The following FGF12 variants were observed in gnomAD, a reference collection of about 807,000 sequenced individuals.
FGF12 encodes the protein fibroblast growth factor 12B.
A neutral mutation model predicts 23.6 loss-of-function variants in FGF12; 14 were observed. The ratio of observed to expected loss-of-function variants is 0.59; its 90% confidence interval spans 0.39 to 0.93. The LOEUF is 0.93. Among genes scored for constraint, FGF12 ranks in the 40% least tolerant of loss-of-function variants. The pLI, the probability that FGF12 is intolerant of heterozygous loss-of-function variation, is 0.00. For missense variants in FGF12, 175 were observed against 217.8 expected, an observed-to-expected ratio of 0.80 and a Z score of 1.24; for synonymous variants, 62 against 77.3, an observed-to-expected ratio of 0.80 and a Z score of 1.04.
chr3:192,715,439 T>C (rs1718837632), intron 2 of FGF12, among the ~76,000 whole-genome samples: 1 of 152,232 alleles, frequency 6.6e-6, no homozygotes, highest in African/African-American at 2.4e-5. Flanking sequence ...TGTATATCAA[T>C]GTCTCTCTAC....
chr3:192,660,508 A>T (rs13081179), intron 2 of FGF12, among the ~76,000 whole-genome samples: 79,754 of 145,484 alleles, frequency 0.55, 21,441 homozygotes, highest in East Asian at 0.67. Flanking sequence ...CTTAAAGTAT[A>T]AAAAAAAAAA....
At chr3:192,497,409 T>G (rs1048765350) in intron 2 of FGF12, among the ~76,000 whole-genome samples, 1 of 152,186 alleles carries the variant, frequency 6.6e-6, no homozygotes, top group East Asian at 1.9e-4. Context: ...TACTAAATGG[T>G]CTCCCTGTTA....
intron 2 of FGF12, among the ~76,000 whole-genome samples, chr3:192,407,670 T>C (rs989119264): frequency 4.0e-5 from 6 of 151,276 alleles, no homozygotes; most frequent in African/African-American, 7.3e-5. Context: ...GATAGATGCA[T>C]GGATGGATGG....
At chr3:192,491,928 A>G (rs1232653280) in intron 2 of FGF12, among the ~76,000 whole-genome samples, 1 of 152,174 alleles carries the variant, frequency 6.6e-6, no homozygotes, top group East Asian at 1.9e-4. Flanking sequence ...TCTCTCAAGC[A>G]ACATGCATTA....
At chr3:192,281,143 T>C (rs1012821734) in intron 4 of FGF12, among the ~76,000 whole-genome samples, 1 of 152,260 alleles carries the variant, frequency 6.6e-6, no homozygotes, top group African/African-American at 2.4e-5. Context: ...CAAAAACTTA[T>C]TATCTCACAG....
chr3:192,221,991 A>AT (rs1281201157), intron 4 of FGF12, among the ~76,000 whole-genome samples: 2 of 152,186 alleles, frequency 1.3e-5, no homozygotes, highest in African/African-American at 4.8e-5. Context: ...TTCAAATTAC[A>AT]TTTTTACCAG....
intron 2 of FGF12, among the ~76,000 whole-genome samples, chr3:192,487,585 C>A (rs141544446): frequency 1.1e-4 from 17 of 152,186 alleles, no homozygotes; most frequent in Admixed American, 1.1e-3. Flanking sequence ...TTGCTGGACC[C>A]TTTGAGGGGC....
intron 4 of FGF12, among the ~76,000 whole-genome samples, chr3:192,316,050 C>T (rs1716212358): frequency 2.0e-5 from 3 of 152,172 alleles, no homozygotes; most frequent in Non-Finnish European, 1.5e-5. Context: ...TGTTGCTCCC[C>T]ATGTTTTGAA....
At chr3:192,175,598 G>T (rs1189686215) in intron 4 of FGF12, among the ~76,000 whole-genome samples, 1 of 152,152 alleles carries the variant, frequency 6.6e-6, no homozygotes, top group Non-Finnish European at 1.5e-5. Context: ...ATCAGCATTT[G>T]CAGAACTGAG....
intron 4 of FGF12, among the ~76,000 whole-genome samples, chr3:192,236,353 T>A (rs1560203697): frequency 6.6e-6 from 1 of 152,178 alleles, no homozygotes; most frequent in Non-Finnish European, 1.5e-5. Flanking sequence ...AGATACAGTA[T>A]TCTCTAGATG....
In FGF12 at chr3:192,192,536, C is replaced by T. The variant is rs944447558; in HGVS notation, c.229-21880G>A. 1.3e-4 allele frequency among the ~76,000 whole-genome samples: 20 copies of T among 149,390 alleles called. No homozygotes were observed. The East Asian group carries it at 3.9e-3, about 29-fold the overall frequency. On this transcript the variant is annotated intron_variant, in intron 4 of 5. Transcript: ENST00000445105. Reference sequence around the variant, plus strand: ...TTATATATATACACACACAGTGGGGCAGGAAACAAGACAGATCTTCGCACT... The same window carrying T: ...TTATATATATACACACACAGTGGGGTAGGAAACAAGACAGATCTTCGCACT...
intron 2 of FGF12, among the ~76,000 whole-genome samples, chr3:192,726,577 A>C (rs1030220017): frequency 5.9e-5 from 9 of 152,302 alleles, no homozygotes; most frequent in African/African-American, 2.2e-4. Context: ...CAGAACTAGT[A>C]AATGCATTAT....
In FGF12 at chr3:192,405,858, A is replaced by G. The variant is rs1370614113; in HGVS notation, c.14-45320T>C. Among the ~76,000 whole-genome samples, 7 of 152,190 alleles carry G rather than the reference A, an allele frequency of 4.6e-5. No homozygotes were observed. In the South Asian group the frequency reaches 1.4e-3, roughly 32 times the overall value. On this transcript the variant is annotated intron_variant, in intron 2 of 5. Transcript: ENST00000445105. ...ATAATAGCACACTATCATCTTCCCA[A>G]AATGTTTTTACACACACCACATGCC... is the stretch of plus-strand genomic sequence containing the variant.
intron 2 of FGF12, among the ~76,000 whole-genome samples, chr3:192,725,440 G>T (rs79431588): frequency 0.014 from 2,113 of 152,196 alleles, 49 homozygotes; most frequent in African/African-American, 0.049. Flanking sequence ...ATTCTTTTCG[G>T]ATGTATTTCT....
Position 192,633,626 on chromosome 3 carries a change from GAT to G in FGF12, c.13+93553_13+93554del, listed in dbSNP as rs147382370. Among the ~76,000 whole-genome samples, 125 of 152,238 alleles carry G rather than the reference GAT, an allele frequency of 8.2e-4. No homozygotes were observed. The East Asian group carries it at 0.022, about 27-fold the overall frequency. ...ATGCTGCCCAAGTCAGAGAAGTTAG[GAT>G]GTGCTGCTGTAGCACTGGAGTCATT... On this transcript the variant is annotated intron_variant, in intron 2 of 5. Coordinates refer to ENST00000445105, the MANE Select transcript of FGF12 (RefSeq NM_004113.6).
chr3:192,575,715 A>ATT lies in FGF12; in HGVS notation c.13+151464_13+151465dup, dbSNP rs547618188. ...CCTAGTTTCTTTCTAATTCAGACTG[A>ATT]TTTTTTTTTAAAGATCTATTCTGGA... On this transcript the variant is annotated intron_variant, in intron 2 of 5. Coordinates refer to ENST00000445105, the MANE Select transcript of FGF12 (RefSeq NM_004113.6). Among the ~76,000 whole-genome samples the ATT allele has an allele frequency of 2.9e-3, 441 of 150,638 alleles. 1 individual carries two copies. The highest frequency in any genetic ancestry group is 0.01 in the African/African-American group (416 of 41,020).
intron 2 of FGF12, among the ~76,000 whole-genome samples, chr3:192,370,304 G>A (rs1401480845): frequency 6.6e-6 from 1 of 152,140 alleles, no homozygotes; most frequent in Non-Finnish European, 1.5e-5. Flanking sequence ...TATGCCACGT[G>A]TATGTGCCAC....
chr3:192,633,115 G>A (rs1161342771), intron 2 of FGF12, among the ~76,000 whole-genome samples: 1 of 151,978 alleles, frequency 6.6e-6, no homozygotes, highest in East Asian at 1.9e-4. Context: ...GCATGATCTC[G>A]GCTCACTGCA....
At chr3:192,263,897 T>C (rs938502408) in intron 4 of FGF12, among the ~76,000 whole-genome samples, 4 of 152,084 alleles carry the variant, frequency 2.6e-5, no homozygotes, top group African/African-American at 9.7e-5. Context: ...ACAAAATATC[T>C]TATTCTTATT....
Sources: gnomAD v4.1 joint callset for allele counts (sites outside exome capture counted in the v4.1 genomes callset) on GRCh38, gnomAD v4.1.1 for gene constraint, MANE v1.5 for transcripts, NCBI Gene and HGNC (gene_info 2026-07-23, HGNC 2026-07-21) for gene names.